RAI14: variants seen among roughly 807,000 people sequenced by gnomAD.
RAI14 encodes the protein ankycorbin.
RAI14 carries 45 observed loss-of-function variants against 115.4 expected under a neutral mutation model. That is an observed-to-expected ratio of 0.39 (90% CI 0.31 to 0.50). The LOEUF is 0.50. Ranked by LOEUF, RAI14 falls within the 20% of genes least tolerant of loss-of-function variation. The probability of loss-of-function intolerance (pLI) is 0.85; values close to 1 mark genes in which losing one functional copy is unlikely to be tolerated. For synonymous variants in RAI14, 371 were observed against 415.4 expected, an observed-to-expected ratio of 0.89 and a Z score of 1.30; for missense variants, 939 against 1,131.2, an observed-to-expected ratio of 0.83 and a Z score of 2.44.
At chr5:34,806,129 T>C (rs912668739) in intron 5 of RAI14, among the ~76,000 whole-genome samples, 1 of 152,162 alleles carries the variant, frequency 6.6e-6, no homozygotes, top group African/African-American at 2.4e-5. Context: ...ATATTTAAGC[T>C]GAGACCTCCC....
At chr5:34,742,670 G>GTTTT (rs1745663961) in intron 2 of RAI14, among the ~76,000 whole-genome samples, 1 of 151,928 alleles carries the variant, frequency 6.6e-6, no homozygotes, top group Non-Finnish European at 1.5e-5. Context: ...GTTTTGTTTT[G>GTTTT]TTTTGTTTTT....
At chr5:34,824,525 C>A in intron 15 of RAI14, 34 bp downstream of exon 15, 1 of 1,486,724 alleles carries the variant, frequency 6.7e-7, no homozygotes, top group Non-Finnish European at 9.0e-7. Flanking sequence ...GGGTTTCTAG[C>A]AATAAGTCTT....
At chr5:34,775,983 G>A (rs114121344) in intron 3 of RAI14, among the ~76,000 whole-genome samples, 1,628 of 152,290 alleles carry the variant, frequency 0.011, 9 homozygotes, top group South Asian at 0.022. Context: ...GTTTATTGTA[G>A]CATTATTCTC....
intron 3 of RAI14, among the ~76,000 whole-genome samples, chr5:34,792,038 G>A (rs1752970052): frequency 3.3e-5 from 5 of 152,272 alleles, no homozygotes; most frequent in Middle Eastern, 3.4e-3. Context: ...AATGCACAGC[G>A]CTAGTGACTA....
intron 2 of RAI14, among the ~76,000 whole-genome samples, chr5:34,746,807 C>G (rs1027166161): frequency 6.6e-6 from 1 of 152,242 alleles, no homozygotes; most frequent in Non-Finnish European, 1.5e-5. Flanking sequence ...ACCCAAATCT[C>G]AACTTGAATT....
chr5:34,755,473 G>T (rs1219502960), intron 2 of RAI14, among the ~76,000 whole-genome samples: 1 of 152,098 alleles, frequency 6.6e-6, no homozygotes, highest in Non-Finnish European at 1.5e-5. Flanking sequence ...AGTAGCACTA[G>T]CCACATTTCC....
At chr5:34,788,042 G>A (rs1390559159) in intron 3 of RAI14, among the ~76,000 whole-genome samples, 4 of 150,542 alleles carry the variant, frequency 2.7e-5, no homozygotes, top group East Asian at 2.0e-4. Flanking sequence ...TTAGCATCCC[G>A]AGTAGTTGGG....
At chr5:34,757,662 C>G in intron 3 of RAI14, 64 bp downstream of exon 3, 3 of 1,526,340 alleles carry the variant, frequency 2.0e-6, no homozygotes, top group Non-Finnish European at 2.6e-6. Context: ...CTCTGGAATC[C>G]TTAGTATCCA....
chr5:34,829,858 CAG>C (rs1344682740), intron 17 of RAI14, 61 bp downstream of exon 17: 1 of 1,310,622 alleles, frequency 7.6e-7, no homozygotes, highest in Non-Finnish European at 1.1e-6. Flanking sequence ...CAGATGTTGA[CAG>C]AACTCCCATC....
intron 2 of RAI14, among the ~76,000 whole-genome samples, chr5:34,732,439 ATTTTTTT>A (rs369302342): frequency 3.0e-5 from 4 of 133,894 alleles, no homozygotes; most frequent in Non-Finnish European, 6.4e-5. Flanking sequence ...ACCATGCTTG[ATTTTTTT>A]TTTTTTTTTT....
chr5:34,782,897 C>T (rs1202878245), intron 3 of RAI14, among the ~76,000 whole-genome samples: 1 of 152,156 alleles, frequency 6.6e-6, no homozygotes, highest in Middle Eastern at 3.2e-3. Context: ...AGCATGTCTG[C>T]CTGTTCTGCA....
chr5:34,769,894 T>G (rs1749924877), intron 3 of RAI14, among the ~76,000 whole-genome samples: 1 of 152,080 alleles, frequency 6.6e-6, no homozygotes, highest in African/African-American at 2.4e-5. Context: ...ACTTAGCTAA[T>G]TTTTGTATTT....
chr5:34,742,386 C>T (rs989852811), intron 2 of RAI14, among the ~76,000 whole-genome samples: 2 of 152,208 alleles, frequency 1.3e-5, no homozygotes, highest in Middle Eastern at 3.4e-3. Flanking sequence ...TGTTGGCAAG[C>T]GAAGAGTAAT....
chr5:34,681,504 A>T (rs1744377080), intron 1 of RAI14, among the ~76,000 whole-genome samples: 1 of 151,782 alleles, frequency 6.6e-6, no homozygotes, highest in Admixed American at 6.6e-5. Context: ...TATTATTATT[A>T]TTTTTTTCGA....
At chr5:34,785,532 T>A (rs901227719) in intron 3 of RAI14, among the ~76,000 whole-genome samples, 1 of 152,136 alleles carries the variant, frequency 6.6e-6, no homozygotes. Context: ...ATGACTACTT[T>A]GATATACTTC....
In RAI14 at chr5:34,824,368, G is replaced by C. The variant is rs1292674556; in HGVS notation, c.2526G>C (p.Leu842Phe). The change falls in exon 15 of 18, where the codon TTG (leucine) becomes TTC (phenylalanine). Residue 842 changes from leucine (L) to phenylalanine (F), a missense_variant. Coordinates refer to ENST00000265109, the MANE Select transcript of RAI14 (RefSeq NM_015577.3). Reference sequence around the variant, plus strand: ...AAAAGGAAAATATTCAGACTCTCTTGAAATCCAAAGAGCAAGAAGTAAATG... The same window carrying C: ...AAAAGGAAAATATTCAGACTCTCTTCAAATCCAAAGAGCAAGAAGTAAATG... Reference protein sequence around the residue: ...KREKENIQTLLKSKEQEVNEL... With the variant: ...KREKENIQTLFKSKEQEVNEL... 1 of 1,613,338 alleles carries C rather than the reference G, an allele frequency of 6.2e-7. No individual in the cohort carries two copies. Among genetic ancestry groups the C allele is most frequent in the Non-Finnish European group, 8.5e-7 (1 of 1,179,462 alleles).
At chr5:34,808,690 C>T in intron 7 of RAI14, 36 bp downstream of exon 7, 2 of 1,591,982 alleles carry the variant, frequency 1.3e-6, no homozygotes, top group Non-Finnish European at 1.7e-6. Context: ...CAGAGGTAGA[C>T]ATTGGTTTCT....
Position 34,799,526 on chromosome 5 carries a change from ACACACACAC to A in RAI14, c.256+3500_256+3508del, listed in dbSNP as rs1247279583. Among the ~76,000 whole-genome samples the A allele has an allele frequency of 1.6e-3, 193 of 119,526 alleles. 3 individuals are homozygous for A. The highest frequency in any genetic ancestry group is 5.3e-3 in the African/African-American group (185 of 34,946). The allele number at this position is 119,526 out of a possible 152,430, so 78.4% of individuals were successfully genotyped here. On this transcript the variant is annotated intron_variant, in intron 4 of 17. Coordinates refer to ENST00000265109, the MANE Select transcript of RAI14 (RefSeq NM_015577.3). Reference sequence around the variant, plus strand: ...CACACACACACACACACACACACACACACACACACACACAAAACCACCTTTCAAAATCTA... The same window carrying A: ...CACACACACACACACACACACACACAACACAAAACCACCTTTCAAAATCTA...
chr5:34,727,249 C>T (rs1483710912), intron 2 of RAI14, among the ~76,000 whole-genome samples: 1 of 152,160 alleles, frequency 6.6e-6, no homozygotes, highest in Non-Finnish European at 1.5e-5. Flanking sequence ...CCCTAGAGAT[C>T]TGTGGAACTT....
Sources: gnomAD v4.1 joint callset for allele counts (sites outside exome capture counted in the v4.1 genomes callset) on GRCh38, gnomAD v4.1.1 for gene constraint, MANE v1.5 for transcripts, NCBI Gene and HGNC (gene_info 2026-07-23, HGNC 2026-07-21) for gene names.